The following ATL2 variants were observed in gnomAD, a reference collection of about 807,000 sequenced individuals.
ATL2 encodes the protein atlastin-2.
Under a neutral mutation model 73.9 loss-of-function variants are expected in ATL2, and 31 were observed. The ratio of observed to expected loss-of-function variants is 0.42; its 90% CI spans 0.32 to 0.57. ATL2 has a LOEUF of 0.57. Among genes scored for constraint, ATL2 ranks in the 20% least tolerant of loss-of-function variants. The pLI, the probability that ATL2 is intolerant of heterozygous loss-of-function variation, is 0.14. For missense variants in ATL2, 738 were observed against 702.6 expected (o/e 1.05, Z -0.57); for synonymous variants, 291 against 237.5 (o/e 1.23, Z -2.07).
chr2:38,300,234 A>C (rs765901767), intron 10 of ATL2, 38 bp downstream of exon 10: 3 of 1,449,654 alleles, frequency 2.1e-6, no homozygotes, highest in Non-Finnish European at 2.8e-6. Flanking sequence ...CTCATAAATA[A>C]GTATATGTAC....
intron 9 of ATL2, among the ~76,000 whole-genome samples, chr2:38,304,681 G>GT (rs1323361287): frequency 6.6e-6 from 1 of 152,136 alleles, no homozygotes; most frequent in Non-Finnish European, 1.5e-5. Flanking sequence ...ATTTTTATTA[G>GT]TTTTCTCTTT....
intron 2 of ATL2, among the ~76,000 whole-genome samples, chr2:38,322,357 A>G (rs1167349857): frequency 2.0e-5 from 3 of 152,232 alleles, no homozygotes; most frequent in Non-Finnish European, 4.4e-5. Flanking sequence ...CATTCTTACA[A>G]GTATTCCCAT....
Position 38,370,192 on chromosome 2 carries a change from C to A in ATL2, c.118+6951G>T, listed in dbSNP as rs977927832. ...AAAAAGAAAGAAAATCAAGACCGGG[C>A]GGTCGCTCACACCTGTAATCCCAGC... On this transcript the variant is annotated intron_variant, in intron 1 of 12. Coordinates refer to ENST00000378954, the MANE Select transcript of ATL2 (RefSeq NM_001135673.4). Among the ~76,000 whole-genome samples, 42 of 147,366 alleles carry A rather than the reference C, an allele frequency of 2.9e-4. 1 individual carries two copies. The highest frequency in any genetic ancestry group is 6.0e-5 in the Non-Finnish European group (4 of 67,174).
At chr2:38,372,350 A>C (rs1016637916) in intron 1 of ATL2, among the ~76,000 whole-genome samples, 2 of 152,166 alleles carry the variant, frequency 1.3e-5, no homozygotes, top group Non-Finnish European at 2.9e-5. Flanking sequence ...ACAGTATAAC[A>C]ATGATTTACA....
In ATL2 at chr2:38,294,290, T is replaced by A. The variant is rs1297342479; in HGVS notation, c.*1704A>T. On this transcript the variant is annotated 3_prime_UTR_variant, in exon 13 of 13. Transcript: ENST00000378954. The stretch of plus-strand genomic sequence containing the variant: ...AGGGCCGGGCGCGGTGGCTCACGCC[T>A]GTAATCCCAACACTTTGGGAGGCCA... 1.3e-5 allele frequency among the ~76,000 whole-genome samples: 2 copies of A among 152,250 alleles called. No homozygotes were observed. The highest frequency in any genetic ancestry group is 4.8e-5 in the African/African-American group (2 of 41,466).
At chr2:38,325,635 CACACACACACACACACACACACCAGT>C (rs1330281106) in intron 2 of ATL2, among the ~76,000 whole-genome samples, 1 of 73,320 alleles carries the variant, frequency 1.4e-5, no homozygotes, top group African/African-American at 1.1e-4. Flanking sequence ...CATACACACA[CACACACACACACACACACACACCAGT>C]ACACACACAC....
chr2:38,344,506 A>C (rs973904607), intron 1 of ATL2, among the ~76,000 whole-genome samples: 1 of 152,164 alleles, frequency 6.6e-6, no homozygotes, highest in Non-Finnish European at 1.5e-5. Context: ...GCTACTTGGG[A>C]GGCTGAGACA....
In ATL2 at chr2:38,334,147, A is replaced by G. The variant is rs1199905850; in HGVS notation, c.363+9121T>C. Among the ~76,000 whole-genome samples, 6 of 149,458 alleles carry G rather than the reference A, an allele frequency of 4.0e-5. No individual in the cohort carries two copies. In the South Asian group the frequency reaches 1.3e-3, roughly 32 times the overall value. On this transcript the variant is annotated intron_variant, in intron 2 of 12. Coordinates refer to ENST00000378954, the MANE Select transcript of ATL2 (RefSeq NM_001135673.4). ...AGGGTTCAAGAGGTTCTCCTGCCTC[A>G]GCCTCCTGAGTAGCTGAGATTACAG...
intron 9 of ATL2, among the ~76,000 whole-genome samples, chr2:38,305,649 G>A (rs575156392): frequency 6.6e-6 from 1 of 151,892 alleles, no homozygotes; most frequent in South Asian, 2.1e-4. Context: ...ACAAACACAT[G>A]GAAATTATAT....
In ATL2 at chr2:38,355,190, G is replaced by A. The variant is rs185539334; in HGVS notation, c.119-11678C>T. On this transcript the variant is annotated intron_variant, in intron 1 of 12. Coordinates refer to ENST00000378954, the MANE Select transcript of ATL2 (RefSeq NM_001135673.4). ...TGCCCAGGCTGGAGTGCAATGGCACGATCTCAGCTCACTACAACCTCCGCC... is the reference window on the plus strand; with the variant it reads ...TGCCCAGGCTGGAGTGCAATGGCACAATCTCAGCTCACTACAACCTCCGCC... Among the ~76,000 whole-genome samples, 6 of 151,848 alleles carry A rather than the reference G, an allele frequency of 4.0e-5. No homozygotes were observed. The South Asian group carries it at 6.2e-4, about 16-fold the overall frequency.
At chr2:38,376,182 A>C in intron 1 of ATL2, 1 of 1,521,810 alleles carries the variant, frequency 6.6e-7, no homozygotes, top group Non-Finnish European at 8.8e-7. Context: ...AGTACCATCA[A>C]AATTTTCAAT....
intron 1 of ATL2, among the ~76,000 whole-genome samples, chr2:38,351,973 G>A (rs959369766): frequency 2.0e-5 from 3 of 151,460 alleles, no homozygotes; most frequent in African/African-American, 7.3e-5. Context: ...TTAGCTGGGT[G>A]TGGTGGCAGG....
intron 2 of ATL2, among the ~76,000 whole-genome samples, chr2:38,332,749 C>G (rs900175944): frequency 3.3e-5 from 5 of 152,200 alleles, no homozygotes; most frequent in Non-Finnish European, 7.3e-5. Flanking sequence ...GAATGGCCCA[C>G]TCAAGTTTCT....
At chr2:38,315,224 C>A in intron 5 of ATL2, 60 bp downstream of exon 5, 3 of 1,383,168 alleles carry the variant, frequency 2.2e-6, no homozygotes, top group South Asian at 1.7e-5. Context: ...GTACTCTAGT[C>A]TGGGGAACAA....
chr2:38,347,768 T>A (rs1477196680), intron 1 of ATL2, among the ~76,000 whole-genome samples: 3 of 120,070 alleles, frequency 2.5e-5, no homozygotes, highest in African/African-American at 7.2e-5. Context: ...TGCCCTTACC[T>A]TTTTTTTTTT....
At chr2:38,302,397 C>A (rs1667236715) in intron 9 of ATL2, among the ~76,000 whole-genome samples, 1 of 152,120 alleles carries the variant, frequency 6.6e-6, no homozygotes, top group East Asian at 1.9e-4. Flanking sequence ...TCTGGACCCA[C>A]CCAAGGCCAG....
rs773649649 is a variant in ATL2, at chr2:38,309,429, C to T, written c.1021G>A (p.Glu341Lys). 13 of 1,612,466 alleles carry T rather than the reference C, an allele frequency of 8.1e-6. No homozygotes were observed. The highest frequency in any genetic ancestry group is 1.7e-6 in the Non-Finnish European group (2 of 1,179,676). ...LLAPENLVEK[E>K]ISGSKVTCRD... ...CAAGTGACTTTAGATCCACTTATCT[C>T]TTTTTCTACCAAATTTTCAGGGGCA... Residue 341 changes from glutamate (E) to lysine (K), a missense_variant, in exon 9 of 13, where the codon GAG becomes AAG. By Grantham distance (56) the Glu-to-Lys change is moderately conservative. Transcript: ENST00000378954.
At chr2:38,301,004 CT>C (rs1667160858) in intron 9 of ATL2, among the ~76,000 whole-genome samples, 1 of 144,110 alleles carries the variant, frequency 6.9e-6, no homozygotes, top group South Asian at 2.1e-4. Context: ...GAATTTCGCT[CT>C]TATTGCCCAG....
Position 38,296,091 on chromosome 2 carries a change from T to C in ATL2, c.1655A>G (p.Asn552Ser). 5.8e-6 allele frequency: 9 copies of C among 1,551,366 alleles called. No homozygotes were observed. Among genetic ancestry groups the C allele is most frequent in the Non-Finnish European group, 7.8e-6 (9 of 1,146,772 alleles). Residue 552 changes from asparagine to serine, a missense_variant, in exon 13 of 13, where the codon AAT becomes AGT. Coordinates refer to ENST00000378954, the MANE Select transcript of ATL2 (RefSeq NM_001135673.4). The part of the protein sequence containing the change: ...WEQVLKPLGD[N>S]LMEENIRQSV... ...CTGCCTTATGTTTTCCTCCATCAAA[T>C]TATCACCCAGGGGCTTCAATACCTG...
Sources: gnomAD v4.1 joint callset for allele counts (sites outside exome capture counted in the v4.1 genomes callset) on GRCh38, gnomAD v4.1.1 for gene constraint, MANE v1.5 for transcripts, NCBI Gene and HGNC (gene_info 2026-07-23, HGNC 2026-07-21) for gene names.